The following ZNF618 variants were observed in gnomAD, a reference collection of about 807,000 sequenced individuals.
ZNF618 encodes neural precursor cell expressed, developmentally down-regulated 10.
Under a neutral mutation model 103.0 loss-of-function variants are expected in ZNF618, and 34 were observed. The ratio of observed to expected loss-of-function variants is 0.33; its 90% CI spans 0.25 to 0.44. The LOEUF is 0.44. Among genes scored for constraint, ZNF618 ranks in the 20% least tolerant of loss-of-function variants. The pLI is 1.00. For synonymous variants in ZNF618, 551 were observed against 542.2 expected, an observed-to-expected ratio of 1.02 and a Z score of -0.23; for missense variants, 1,059 against 1,295.4, an observed-to-expected ratio of 0.82 and a Z score of 2.80.
intron 1 of ZNF618, among the ~76,000 whole-genome samples, chr9:113,967,278 A>G (rs914985919): frequency 2.0e-5 from 3 of 152,218 alleles, no homozygotes; most frequent in Non-Finnish European, 4.4e-5. Context: ...TTTGCATACA[A>G]GTTTTGAGGA....
intron 1 of ZNF618, among the ~76,000 whole-genome samples, chr9:113,963,016 G>A (rs1478327249): frequency 6.6e-6 from 1 of 152,196 alleles, no homozygotes; most frequent in Non-Finnish European, 1.5e-5. Flanking sequence ...CCTTATTTGA[G>A]TCTTGTGCCT....
chr9:113,916,072 C>CTGTGTG (rs34639802), intron 1 of ZNF618, among the ~76,000 whole-genome samples: 1 of 149,800 alleles, frequency 6.7e-6, no homozygotes, highest in African/African-American at 2.5e-5. Flanking sequence ...GCGCGTGTGT[C>CTGTGTG]TGTGTGTGTG....
Position 114,056,581 on chromosome 9 carries a change from C to T in ZNF618, c.*6414C>T, listed in dbSNP as rs536390372. On this transcript the variant is annotated 3_prime_UTR_variant, in exon 15 of 15. Coordinates refer to ENST00000374126, the MANE Select transcript of ZNF618 (RefSeq NM_001318042.2). ...TTGTATTTATGGTTTTACAATAAAA[C>T]AACCTTTAGGAAGATGCAGCGTATG... is the stretch of plus-strand genomic sequence containing the variant. 27 of 152,330 alleles carry T rather than the reference C, an allele frequency of 1.8e-4. No homozygotes were observed. Among genetic ancestry groups the T allele is most frequent in the Admixed American group, 1.6e-3 (25 of 15,304 alleles). 9.4% of individuals were successfully genotyped at this position (152,330 alleles called of 1,614,324 possible).
Position 114,028,853 on chromosome 9 carries a change from A to T in ZNF618, c.965A>T (p.Lys322Ile). The stretch of plus-strand genomic sequence containing the variant: ...AAGACCCAGACGAACCAGTCGGGGA[A>T]AAAAGCTCCGGCCTCCGTGGTCCGA... ...AAKTQTNQSG[K>I]KAPASVVRCA... The change falls in exon 11 of 15, where the codon AAA becomes ATA. Residue 322 changes from lysine (K) to isoleucine (I), a missense_variant. Around this residue, in one of 6 missense-constraint regions of ZNF618, gnomAD observed 434 missense variants for 476.0 expected, o/e 0.91. Coordinates refer to ENST00000374126, the MANE Select transcript of ZNF618 (RefSeq NM_001318042.2). The T allele has an allele frequency of 6.4e-7, 1 of 1,550,620 alleles. No homozygotes were observed.
At chr9:113,929,432 T>C (rs1378890805) in intron 1 of ZNF618, among the ~76,000 whole-genome samples, 1 of 152,202 alleles carries the variant, frequency 6.6e-6, no homozygotes, top group Non-Finnish European at 1.5e-5. Flanking sequence ...TTTTTTCTTG[T>C]TGTAAGGATG....
intron 2 of ZNF618, among the ~76,000 whole-genome samples, chr9:113,982,155 T>C (rs527939208): frequency 1.3e-5 from 2 of 152,380 alleles, no homozygotes; most frequent in East Asian, 3.8e-4. Context: ...CAAACTTCAC[T>C]GCTTTGGAGC....
In ZNF618 at chr9:113,913,084, C is replaced by T. The variant is rs1036270202; in HGVS notation, c.33+36671C>T. On this transcript the variant is annotated intron_variant, in intron 1 of 14. Transcript: ENST00000374126. ...ATAAGGGAGGTTCAAACTCTGGAAA[C>T]GGGAGAGTGAGCAGAGTGGATTTCA... Among the ~76,000 whole-genome samples, 20 of 152,104 alleles carry T rather than the reference C, an allele frequency of 1.3e-4. 1 individual carries two copies. Among genetic ancestry groups the T allele is most frequent in the African/African-American group, 4.8e-4 (20 of 41,504 alleles).
At chr9:114,037,900 C>T (rs1844766139) in intron 13 of ZNF618, among the ~76,000 whole-genome samples, 1 of 152,154 alleles carries the variant, frequency 6.6e-6, no homozygotes, top group South Asian at 2.1e-4. Context: ...GCCTCGGAGA[C>T]CTGCTCTAAC....
chr9:113,951,493 G>GTGCACATA (rs1434814780), intron 1 of ZNF618, among the ~76,000 whole-genome samples: 3 of 51,284 alleles, frequency 5.8e-5, no homozygotes, highest in African/African-American at 1.3e-4. Context: ...ATATATGTGT[G>GTGCACATA]TATGTGTACA....
chr9:113,883,858 A>G (rs1401276687), intron 1 of ZNF618, among the ~76,000 whole-genome samples: 2 of 152,000 alleles, frequency 1.3e-5, no homozygotes, highest in Non-Finnish European at 2.9e-5. Flanking sequence ...AAGCTGTTAT[A>G]AAATCGATGG....
rs549729819 is a variant in ZNF618 at position 113,970,891 on chromosome 9, C to T, written c.77+1731C>T. On this transcript the variant is annotated intron_variant, in intron 2 of 14. Coordinates refer to ENST00000374126, the MANE Select transcript of ZNF618 (RefSeq NM_001318042.2). Reference sequence around the variant, plus strand: ...CTCCATTGGCAGAGAACATGTCTGTCTTGTTCACTGCTGTGGGCCTGGCCC... The same window carrying T: ...CTCCATTGGCAGAGAACATGTCTGTTTTGTTCACTGCTGTGGGCCTGGCCC... Among the ~76,000 whole-genome samples the T allele has an allele frequency of 2.8e-4, 41 of 148,438 alleles. No individual in the cohort carries two copies. The South Asian group carries it at 4.6e-3, about 17-fold the overall frequency.
intron 1 of ZNF618, among the ~76,000 whole-genome samples, chr9:113,951,515 GTATA>G (rs375481945): frequency 2.7e-5 from 1 of 36,752 alleles, no homozygotes; most frequent in Non-Finnish European, 6.3e-5. Flanking sequence ...ATATATGTGT[GTATA>G]TGTACACATA....
rs998619605 is a variant in ZNF618 at position 114,050,330 on chromosome 9, G to T, written c.*163G>T. On this transcript the variant is annotated 3_prime_UTR_variant, in exon 15 of 15. Coordinates refer to ENST00000374126, the MANE Select transcript of ZNF618 (RefSeq NM_001318042.2). Reference sequence around the variant, plus strand: ...GCTTTTTTTATATGTGTGTGTGTGCGTGTATGTACACAGCCACACGTGTGT... The same window carrying T: ...GCTTTTTTTATATGTGTGTGTGTGCTTGTATGTACACAGCCACACGTGTGT... 5 of 800,046 alleles carry T rather than the reference G, an allele frequency of 6.2e-6. No individual in the cohort carries two copies. The highest frequency in any genetic ancestry group is 1.7e-5 in the African/African-American group (1 of 57,488). 49.6% of individuals were successfully genotyped at this position (800,046 alleles called of 1,614,324 possible).
intron 1 of ZNF618, among the ~76,000 whole-genome samples, chr9:113,957,637 C>T (rs1836434593): frequency 1.3e-5 from 2 of 152,208 alleles, no homozygotes; most frequent in East Asian, 1.9e-4. Context: ...CTGAAGCCTT[C>T]GGTTCACTAG....
At chr9:114,032,845 G>A (rs192688055) in intron 12 of ZNF618, 117 bp downstream of exon 12, 8 of 886,340 alleles carry the variant, frequency 9.0e-6, no homozygotes, top group Non-Finnish European at 1.5e-5. Flanking sequence ...TATGGATCTT[G>A]TTGGGAGGAG....
At chr9:114,041,380 G>A (rs1253087625) in intron 13 of ZNF618, among the ~76,000 whole-genome samples, 19 of 152,192 alleles carry the variant, frequency 1.2e-4, no homozygotes, top group Admixed American at 7.2e-4. Context: ...TGCTTTTGGT[G>A]TTTTAGACAT....
At chr9:113,929,825 A>G (rs748216217) in intron 1 of ZNF618, among the ~76,000 whole-genome samples, 19 of 152,204 alleles carry the variant, frequency 1.2e-4, no homozygotes, top group Non-Finnish European at 2.5e-4. Context: ...TTGGTGTTTC[A>G]TGGCAGTACT....
intron 2 of ZNF618, among the ~76,000 whole-genome samples, chr9:113,978,101 T>G: frequency 6.6e-6 from 1 of 152,376 alleles, no homozygotes. Flanking sequence ...TAATCTTTTC[T>G]ACTTGACTAT....
intron 9 of ZNF618, among the ~76,000 whole-genome samples, chr9:114,016,423 TCA>T (rs916850838): frequency 3.9e-5 from 6 of 152,142 alleles, no homozygotes; most frequent in African/African-American, 1.4e-4. Flanking sequence ...AATTTAATCC[TCA>T]CAGCAATCCT....
Sources: gnomAD v4.1 joint callset for allele counts (sites outside exome capture counted in the v4.1 genomes callset) on GRCh38, gnomAD v4.1.1 for gene constraint, gnomAD v4.1.1 regional missense constraint, MANE v1.5 for transcripts, NCBI Gene and HGNC (gene_info 2026-07-23, HGNC 2026-07-21) for gene names.